GRHL2: variants seen among roughly 807,000 people sequenced by gnomAD.
GRHL2 encodes grainyhead like transcription factor 2.
GRHL2 carries 21 observed loss-of-function variants against 83.8 expected under a neutral mutation model. That is an observed-to-expected ratio of 0.25 (90% CI 0.18 to 0.36). GRHL2 has a LOEUF of 0.36. Among genes scored for constraint, GRHL2 ranks in the 10% least tolerant of loss-of-function variants. GRHL2 has a pLI of 1.00. For missense variants in GRHL2, 623 were observed against 781.8 expected (o/e 0.80, Z 2.42); for synonymous variants, 280 against 278.9 (o/e 1.00, Z -0.04).
At chr8:101,600,721 T>G (rs533762301) in intron 8 of GRHL2, among the ~76,000 whole-genome samples, 22 of 152,210 alleles carry the variant, frequency 1.4e-4, no homozygotes, top group Non-Finnish European at 2.9e-4. Context: ...AGCATCATGC[T>G]GAGGGCATAA....
intron 1 of GRHL2, among the ~76,000 whole-genome samples, chr8:101,500,625 C>T (rs1024406039): frequency 3.3e-5 from 5 of 152,166 alleles, no homozygotes; most frequent in Non-Finnish European, 7.3e-5. Flanking sequence ...TCTCCTACCT[C>T]AGCCTCCTGA....
intron 8 of GRHL2, among the ~76,000 whole-genome samples, chr8:101,618,318 T>C (rs1014996634): frequency 7.2e-5 from 11 of 152,234 alleles, no homozygotes; most frequent in African/African-American, 2.7e-4. Context: ...TGGTCAGCAC[T>C]GTAATCTTAG....
intron 7 of GRHL2, among the ~76,000 whole-genome samples, chr8:101,578,763 A>T (rs1200825592): frequency 6.6e-6 from 1 of 152,166 alleles, no homozygotes; most frequent in Non-Finnish European, 1.5e-5. Context: ...GATTTCTTAC[A>T]CATTGCAATG....
chr8:101,585,192 C>A (rs547421392), intron 7 of GRHL2, among the ~76,000 whole-genome samples: 1 of 152,328 alleles, frequency 6.6e-6, no homozygotes, highest in South Asian at 2.1e-4. Context: ...ACCATCCCAC[C>A]TAGTTTAGTT....
intron 1 of GRHL2, among the ~76,000 whole-genome samples, chr8:101,499,104 A>G (rs996064151): frequency 1.4e-4 from 22 of 152,054 alleles, no homozygotes; most frequent in Non-Finnish European, 1.5e-5. Context: ...TGGATAAATC[A>G]AACATACACA....
Position 101,664,507 on chromosome 8 carries a change from A to G in GRHL2, c.1752A>G (p.Lys584=), listed in dbSNP as rs1357043518. 6.2e-7 allele frequency: 1 copy of G among 1,612,212 alleles called. No individual in the cohort carries two copies. The highest frequency in any genetic ancestry group is 1.3e-5 in the African/African-American group (1 of 74,914). ...AGAAGATAGCAAAGCTTTACAAGAA[A>G]AGCAAAAAAGGGTAAGAAAGAAACT... ...PVEKIAKLYK[K]SKKGILVNMD... Residue 584 remains lysine, a synonymous_variant, in exon 15 of 16, where the codon AAA becomes AAG. Transcript: ENST00000646743.
chr8:101,536,759 G>A (rs1357590162), intron 1 of GRHL2, among the ~76,000 whole-genome samples: 3 of 152,132 alleles, frequency 2.0e-5, no homozygotes, highest in Non-Finnish European at 4.4e-5. Flanking sequence ...TTGACAGCAA[G>A]ATTCTTTTTT....
At chr8:101,578,006 C>CTTT (rs1811967820) in intron 7 of GRHL2, among the ~76,000 whole-genome samples, 1 of 152,134 alleles carries the variant, frequency 6.6e-6, no homozygotes, top group Non-Finnish European at 1.5e-5. Context: ...GGTGGTCACG[C>CTTT]AAGTGAACCA....
chr8:101,599,280 T>A (rs565444395), intron 8 of GRHL2, 129 bp downstream of exon 8: 1 of 732,198 alleles, frequency 1.4e-6, no homozygotes, highest in East Asian at 2.8e-5. Flanking sequence ...TTTGCCTTTG[T>A]GGAGGGTAAG....
At chr8:101,568,434 A>G (rs1811758906) in intron 4 of GRHL2, among the ~76,000 whole-genome samples, 1 of 152,260 alleles carries the variant, frequency 6.6e-6, no homozygotes, top group East Asian at 1.9e-4. Flanking sequence ...TCCAAGGGTC[A>G]GAGCGAAGCT....
intron 1 of GRHL2, among the ~76,000 whole-genome samples, chr8:101,510,970 G>A (rs1283279866): frequency 6.6e-6 from 1 of 152,020 alleles, no homozygotes; most frequent in Non-Finnish European, 1.5e-5. Context: ...GCATGGTGGT[G>A]CATGCCTGTA....
chr8:101,558,272 T>C (rs1321737393), intron 3 of GRHL2, 147 bp from the exon 4 acceptor site: 8 of 866,992 alleles, frequency 9.2e-6, no homozygotes, highest in African/African-American at 1.7e-5. Flanking sequence ...AAGGATCCCA[T>C]TGCGTTTCGT....
At chr8:101,652,018 T>C (rs1392635369) in intron 14 of GRHL2, among the ~76,000 whole-genome samples, 2 of 152,098 alleles carry the variant, frequency 1.3e-5, no homozygotes, top group African/African-American at 4.8e-5. Context: ...GCAGGCTCCG[T>C]GTAAGCAAGG....
chr8:101,620,914 A>C (rs949294638), intron 9 of GRHL2, among the ~76,000 whole-genome samples: 2 of 152,104 alleles, frequency 1.3e-5, no homozygotes, highest in African/African-American at 2.4e-5. Flanking sequence ...CTTCTAAGAC[A>C]AAATCCTGCT....
chr8:101,567,584 T>C (rs1029770418), intron 4 of GRHL2, among the ~76,000 whole-genome samples: 15 of 152,232 alleles, frequency 9.9e-5, no homozygotes, highest in African/African-American at 3.6e-4. Context: ...TTAAGCTTAA[T>C]GAAAAGTAAT....
intron 3 of GRHL2, among the ~76,000 whole-genome samples, chr8:101,553,137 C>T (rs1358468225): frequency 6.6e-6 from 1 of 152,148 alleles, no homozygotes; most frequent in Non-Finnish European, 1.5e-5. Flanking sequence ...AAGTGAGACA[C>T]TTGAAGGATT....
chr8:101,501,406 T>C (rs1810226266), intron 1 of GRHL2, among the ~76,000 whole-genome samples: 1 of 152,178 alleles, frequency 6.6e-6, no homozygotes, highest in Non-Finnish European at 1.5e-5. Context: ...CAAATATAAC[T>C]AACCCTGAGA....
intron 6 of GRHL2, among the ~76,000 whole-genome samples, chr8:101,575,028 G>T (rs966856860): frequency 1.3e-5 from 2 of 152,148 alleles, no homozygotes; most frequent in Non-Finnish European, 2.9e-5. Flanking sequence ...ACCCCAGGGC[G>T]TCGGACTCCT....
chr8:101,552,427 G>C (rs563223812), intron 2 of GRHL2, among the ~76,000 whole-genome samples: 160 of 152,306 alleles, frequency 1.1e-3, no homozygotes, highest in African/African-American at 3.7e-3. Context: ...TCCCAAGGTG[G>C]GGAGCGCATG....
Sources: allele counts gnomAD v4.1 joint callset (sites outside exome capture counted in the v4.1 genomes callset), GRCh38; gene constraint gnomAD v4.1.1; transcripts MANE v1.5; gene names NCBI Gene and HGNC (gene_info 2026-07-23, HGNC 2026-07-21).